The following GAA variants were observed in gnomAD, a reference collection of about 807,000 sequenced individuals.
GAA encodes lysosomal alpha-glucosidase.
A neutral mutation model predicts 103.9 loss-of-function variants in GAA; 88 were observed. That is an observed-to-expected ratio of 0.85 (90% confidence interval 0.71 to 1.01). The LOEUF is 1.01. Among genes scored for constraint, GAA ranks in the 50% least tolerant of loss-of-function variants. GAA has a pLI of 0.00. For missense variants in GAA, 1,350 were observed against 1,305.3 expected, an observed-to-expected ratio of 1.03 and a Z score of -0.53; for synonymous variants, 572 against 563.1, an observed-to-expected ratio of 1.02 and a Z score of -0.22.
intron 15 of GAA, 78 bp downstream of exon 15, chr17:80,113,444 G>A: frequency 7.5e-7 from 1 of 1,334,616 alleles, no homozygotes; most frequent in Non-Finnish European, 1.0e-6. Context: ...GCCCTGTCCT[G>A]CTGTGGGCTG....
rs774018778 is a variant in GAA, at chr17:80,104,994, C to G, written c.408C>G (p.Tyr136Ter). The change falls in exon 2 of 20, where the codon TAC (tyrosine) becomes TAG (stop). Residue 136 changes from tyrosine to a stop codon, truncating the protein, a stop_gained. Transcript: ENST00000302262. LOFTEE classifies it high-confidence loss of function. This position sits in a 1 kb window ranked among gnomAD's most constrained non-coding sequence, Gnocchi z 4.0. ...TCTTCCCACCCAGCTACCCCAGCTACAAGCTGGAGAACCTGAGCTCCTCTG... is the reference window on the plus strand; with the variant it reads ...TCTTCCCACCCAGCTACCCCAGCTAGAAGCTGGAGAACCTGAGCTCCTCTG... ...WCFFPPSYPS[Y>*]KLENLSSSEM... is the part of the protein sequence containing the mutation. 6.2e-7 allele frequency: 1 copy of G among 1,612,930 alleles called. No individual in the cohort carries two copies. The highest frequency in any genetic ancestry group is 8.5e-7 in the Non-Finnish European group (1 of 1,180,014).
At position 80,119,608 on chromosome 17, in the gene GAA, A is replaced by C; in HGVS notation, c.*277A>C. The C allele has an allele frequency of 1.3e-5, 6 of 453,334 alleles. No homozygotes were observed. The East Asian group carries it at 2.6e-4, about 20-fold the overall frequency. The allele number at this position is 453,334 out of a possible 1,614,324, so 28.1% of individuals were successfully genotyped here. On this transcript the variant is annotated 3_prime_UTR_variant, in exon 20 of 20. Transcript: ENST00000302262. ...TAAGATTGTAAGGTTTGCCCTCCTC[A>C]CCTGTTGCCGGCATGCGGGTAGTAT...
chr17:80,111,174 C>G lies in GAA; in HGVS notation c.1636+149C>G, dbSNP rs538008148. On this transcript the variant is annotated intron_variant, in intron 11 of 19. Transcript: ENST00000302262. ...GGGATCCCCAGGAGAAAGGCTCAGG[C>G]TGGGAGACTCAGCCAAGCAGTGCAG... 4.0e-4 allele frequency: 328 copies of G among 825,650 alleles called. 1 individual carries two copies. The highest frequency in any genetic ancestry group is 5.5e-4 in the Non-Finnish European group (281 of 513,356). The allele number at this position is 825,650 out of a possible 1,614,324, so 51.1% of individuals were successfully genotyped here. A position where few individuals can be genotyped will look rare whatever the true frequency, so the allele number is the denominator to read the frequency against.
At chr17:80,112,237 C>A in intron 12 of GAA, 137 bp downstream of exon 12, 1 of 859,920 alleles carries the variant, frequency 1.2e-6, no homozygotes, top group Non-Finnish European at 1.9e-6. Context: ...CGAGTGCTCT[C>A]CCCACCCGCT....
At chr17:80,114,560 C>T (rs2039321683) in intron 15 of GAA, among the ~76,000 whole-genome samples, 2 of 152,166 alleles carry the variant, frequency 1.3e-5, no homozygotes, top group Middle Eastern at 6.8e-3. Flanking sequence ...CCTCTCGTTC[C>T]TCTGTGCTGT....
chr17:80,111,150 G>A (rs947659125), intron 11 of GAA, 125 bp downstream of exon 11: 24 of 919,062 alleles, frequency 2.6e-5, no homozygotes, highest in African/African-American at 4.9e-5. Context: ...GGCGGGGGGG[G>A]GATCCCCAGG....
intron 2 of GAA, among the ~76,000 whole-genome samples, chr17:80,105,337 C>T (rs2039056797): frequency 6.6e-6 from 1 of 152,130 alleles, no homozygotes; most frequent in Non-Finnish European, 1.5e-5. Flanking sequence ...AGGCAGGGCT[C>T]GGGGCTCATT....
rs374569672 is a variant in GAA, at chr17:80,105,866, G to A, written c.664G>A (p.Val222Met). The change falls in exon 3 of 20, where the codon GTG becomes ATG. Residue 222 changes from valine (V) to methionine (M), a missense_variant. By Grantham distance (21) the Val-to-Met change is conservative. Coordinates refer to ENST00000302262, the MANE Select transcript of GAA (RefSeq NM_000152.5). ...CTCCGAGGAGCCCTTCGGGGTGATC[G>A]TGCGCCGGCAGCTGGACGGCCGCGT... ...EFSEEPFGVI[V>M]RRQLDGRVLL... 3.9e-4 allele frequency: 625 copies of A among 1,603,876 alleles called. 11 individuals are homozygous for A. The South Asian group carries it at 5.0e-3, about 13-fold the overall frequency.
rs1567829535 is a variant in GAA at position 80,107,900 on chromosome 17, AGC to A, written c.955+5_955+6del. On this transcript the variant is annotated splice_donor_5th_base_variant and intron_variant, in intron 5 of 19. Coordinates refer to ENST00000302262, the MANE Select transcript of GAA (RefSeq NM_000152.5). ...CTGCTAAACAGCAATGCCATGGGTA[AGC>A]TGCCCGCCGCCCAGCGCCCGGGCCG... The A allele has an allele frequency of 4.4e-6, 7 of 1,602,970 alleles. No homozygotes were observed. The highest frequency in any genetic ancestry group is 5.1e-6 in the Non-Finnish European group (6 of 1,176,468).
At chr17:80,103,929 C>G (rs2039010272) in intron 1 of GAA, among the ~76,000 whole-genome samples, 1 of 152,188 alleles carries the variant, frequency 6.6e-6, no homozygotes, top group African/African-American at 2.4e-5. Flanking sequence ...TTGCCAGAAT[C>G]ACTTCCGCTG....
At chr17:80,108,953 A>C in intron 8 of GAA, 125 bp downstream of exon 8, 1 of 1,270,082 alleles carries the variant, frequency 7.9e-7, no homozygotes, top group South Asian at 1.5e-5. Context: ...GGTCTTTGTG[A>C]TATCGAGGGA....
At chr17:80,113,789 C>T (rs1193624225) in intron 15 of GAA, among the ~76,000 whole-genome samples, 1 of 151,756 alleles carries the variant, frequency 6.6e-6, no homozygotes, top group African/African-American at 2.4e-5. Flanking sequence ...GAGGCTGAGG[C>T]GAGTGGATCA....
intron 8 of GAA, among the ~76,000 whole-genome samples, chr17:80,109,042 A>G (rs929984412): frequency 6.6e-6 from 1 of 152,164 alleles, no homozygotes; most frequent in Non-Finnish European, 1.5e-5. Context: ...GCCGGGTGCT[A>G]CTCAGGGTTC....
chr17:80,105,118 C>A lies in GAA; in HGVS notation c.532C>A (p.Arg178Ser). The A allele has an allele frequency of 6.2e-7, 1 of 1,607,364 alleles. No homozygotes were observed. Among genetic ancestry groups the A allele is most frequent in the South Asian group, 1.1e-5 (1 of 91,054 alleles). The part of the protein sequence containing the change: ...RLDVMMETEN[R>S]LHFTIKDPAN... ...GGACGTGATGATGGAGACTGAGAAC[C>A]GCCTCCACTTCACGGTGGGCAGGGC... The change falls in exon 2 of 20, where the codon CGC becomes AGC. Residue 178 changes from arginine (R) to serine (S), a missense_variant. Physicochemically the swap from Arg to Ser is moderately radical, Grantham distance 110. Coordinates refer to ENST00000302262, the MANE Select transcript of GAA (RefSeq NM_000152.5).
At position 80,117,105 on chromosome 17, in the gene GAA, A is replaced by AGACGGT. The variant is rs762245732; in HGVS notation, c.2330_2331+4dup. The stretch of plus-strand genomic sequence containing the variant: ...CCCTTGGGCACATGGTACGACCTGC[A>AGACGGT]GACGGTGAGTCTGGGGACCCTAAGC... On this transcript the variant is annotated inframe_insertion, in exon 16 of 20. Transcript: ENST00000302262. 2.9e-5 allele frequency: 46 copies of AGACGGT among 1,612,560 alleles called. No homozygotes were observed. The highest frequency in any genetic ancestry group is 3.8e-5 in the Non-Finnish European group (45 of 1,179,992).
intron 5 of GAA, 99 bp downstream of exon 5, chr17:80,107,995 G>C: frequency 8.2e-7 from 1 of 1,225,432 alleles, no homozygotes; most frequent in Non-Finnish European, 1.2e-6. Context: ...CACGGTGCTG[G>C]GCCTTGTGTT....
intron 1 of GAA, among the ~76,000 whole-genome samples, chr17:80,103,549 C>T (rs1394726085): frequency 1.3e-5 from 2 of 152,120 alleles, no homozygotes; most frequent in Middle Eastern, 3.2e-3. Context: ...AGAATGTTTG[C>T]CATAAAATAT....
chr17:80,117,590 C>G lies in GAA; in HGVS notation c.2332-10C>G, dbSNP rs373606162. ...CGGCCCAGAATCCTCAAAGCAACAT[C>G]TCCCTCCAGGTGCCAGTAGAGGCCC... On this transcript the variant is annotated splice_polypyrimidine_tract_variant and intron_variant, in intron 16 of 19. Coordinates refer to ENST00000302262, the MANE Select transcript of GAA (RefSeq NM_000152.5). 4.9e-5 allele frequency: 79 copies of G among 1,612,896 alleles called. No individual in the cohort carries two copies. In the African/African-American group the frequency reaches 9.7e-4, roughly 20 times the overall value.
In GAA at chr17:80,113,247, G is replaced by A. The variant is rs757802524; in HGVS notation, c.2070G>A (p.Pro690=). The part of the protein sequence containing the change: ...LPQEPYSFSE[P]AQQAMRKALT... ...AGGAGCCGTACAGCTTCAGCGAGCC[G>A]GCCCAGCAGGCCATGAGGAAGGCCC... Residue 690 remains proline, a synonymous_variant, in exon 15 of 20, where the codon CCG becomes CCA. Coordinates refer to ENST00000302262, the MANE Select transcript of GAA (RefSeq NM_000152.5). 1.9e-5 allele frequency: 30 copies of A among 1,600,798 alleles called. No individual in the cohort carries two copies. Among genetic ancestry groups the A allele is most frequent in the Admixed American group, 3.4e-5 (2 of 58,378 alleles).
Sources: allele counts gnomAD v4.1 joint callset (sites outside exome capture counted in the v4.1 genomes callset), GRCh38; gene constraint gnomAD v4.1.1; non-coding constraint Gnocchi (gnomAD v3.1); transcripts MANE v1.5; gene names NCBI Gene and HGNC (gene_info 2026-07-23, HGNC 2026-07-21).